The following ZNF765 variants were observed in gnomAD, a reference collection of about 807,000 sequenced individuals.
ZNF765 encodes zinc finger protein 765.
In ZNF765, 37 loss-of-function variants were observed where a neutral mutation model predicts 44.7. The observed-to-expected ratio is 0.83, with a 90% CI of 0.64 to 1.09. The LOEUF (loss-of-function observed/expected upper bound fraction) is 1.09, where lower values mean the gene tolerates loss of function less well. Ranked by LOEUF, ZNF765 falls within the 50% of genes least tolerant of loss-of-function variation. The pLI is 0.00. For synonymous variants in ZNF765, 201 were observed against 213.7 expected (o/e 0.94, Z 0.52); for missense variants, 594 against 626.1 (o/e 0.95, Z 0.55).
At chr19:53,415,938 CTTTT>C (rs905462254), downstream of ZNF765, among the ~76,000 whole-genome samples, 7 of 122,510 alleles carry the variant, frequency 5.7e-5, no homozygotes, top group African/African-American at 2.0e-4. Flanking sequence ...AGATAACTTT[CTTTT>C]GTTTTGTTTT....
chr19:53,418,910 GAAAAAAA>G (rs34443506), intron 3 of ZNF765, among the ~76,000 whole-genome samples: 1,738 of 96,860 alleles, frequency 0.018, 51 homozygotes, highest in African/African-American at 0.062. Context: ...GTTGTGGGAG[GAAAAAAA>G]AAAAAAAAAA....
intron 3 of ZNF765, among the ~76,000 whole-genome samples, chr19:53,417,560 C>G (rs927774234): frequency 6.6e-6 from 1 of 152,172 alleles, no homozygotes; most frequent in African/African-American, 2.4e-5. Flanking sequence ...TTCATGTTTG[C>G]TATTGTGAAT....
chr19:53,419,034 T>C (rs4803106), intron 3 of ZNF765, among the ~76,000 whole-genome samples: 123,801 of 151,958 alleles, frequency 0.81, 50,765 homozygotes, highest in Non-Finnish European at 0.86. Context: ...GAGGCATGAG[T>C]TGAGCCAGGA....
At chr19:53,402,035 C>T (rs758197343) in intron 2 of ZNF765, 30 bp from the exon 3 acceptor site, 6 of 1,613,780 alleles carry the variant, frequency 3.7e-6, no homozygotes, top group African/African-American at 1.3e-5. Context: ...CCTCCCATAA[C>T]CATTTGGTTA....
Position 53,408,811 on chromosome 19 carries a change from C to T in ZNF765, c.1256C>T (p.Thr419Ile). Reference sequence around the variant, plus strand: ...TACAAGTGTAATGAGTGTGGCAAGACCTTCAATCAGCAGTTAACCCTTAAC... The same window carrying T: ...TACAAGTGTAATGAGTGTGGCAAGATCTTCAATCAGCAGTTAACCCTTAAC... ...KPYKCNECGK[T>I]FNQQLTLNIC... Residue 419 changes from threonine (T) to isoleucine (I), a missense_variant, in exon 4 of 4, where the codon ACC becomes ATC. Physicochemically the swap from Thr to Ile is moderately conservative, Grantham distance 89. This residue lies in a region of ZNF765 where 567 missense variants were observed against 572.6 expected (regional missense o/e 0.99). Transcript: ENST00000396408. 1 of 1,614,098 alleles carries T rather than the reference C, an allele frequency of 6.2e-7. No homozygotes were observed. Among genetic ancestry groups the T allele is most frequent in the Non-Finnish European group, 8.5e-7 (1 of 1,180,020 alleles).
At chr19:53,414,518 G>A (rs2085863235), downstream of ZNF765, among the ~76,000 whole-genome samples, 1 of 77,416 alleles carries the variant, frequency 1.3e-5, no homozygotes. Flanking sequence ...CCGGGGAAAA[G>A]CCCATATAAA....
chr19:53,395,267 T>C (rs966342988), intron 1 of ZNF765, 74 bp downstream of exon 1: 1 of 152,164 alleles, frequency 6.6e-6, no homozygotes, highest in African/African-American at 2.4e-5. Context: ...GGGCGTGGGG[T>C]CTCCACTAAC....
chr19:53,404,099 T>G (rs1013572509), intron 3 of ZNF765, among the ~76,000 whole-genome samples: 3 of 152,244 alleles, frequency 2.0e-5, no homozygotes, highest in African/African-American at 7.2e-5. Context: ...GTTGATGAGA[T>G]GAAGTTTTGT....
chr19:53,417,794 C>T (rs1298793719), intron 3 of ZNF765, among the ~76,000 whole-genome samples: 1 of 152,124 alleles, frequency 6.6e-6, no homozygotes. Context: ...TTCTTAGGTA[C>T]TTTGCCTGAT....
At chr19:53,419,528 A>G (rs1184830138) in intron 3 of ZNF765, among the ~76,000 whole-genome samples, 2 of 152,212 alleles carry the variant, frequency 1.3e-5, no homozygotes, top group Non-Finnish European at 2.9e-5. Flanking sequence ...TTTAGATAGC[A>G]GTTGTCAGTC....
At chr19:53,420,659 TAG>T (rs2085901488) in intron 3 of ZNF765, among the ~76,000 whole-genome samples, 2 of 152,198 alleles carry the variant, frequency 1.3e-5, no homozygotes, top group Non-Finnish European at 2.9e-5. Flanking sequence ...TCTGTAACCC[TAG>T]CCCCAACCCT....
chr19:53,404,296 G>A (rs1392567942), intron 3 of ZNF765, among the ~76,000 whole-genome samples: 2 of 151,986 alleles, frequency 1.3e-5, no homozygotes, highest in East Asian at 1.9e-4. Context: ...GGCTGGTCTC[G>A]AACCCCTGCC....
At chr19:53,405,903 C>CTA (rs10675178) in intron 3 of ZNF765, among the ~76,000 whole-genome samples, 1,114 of 48,638 alleles carry the variant, frequency 0.023, 129 homozygotes, top group Non-Finnish European at 0.033. Context: ...TTAATACCAA[C>CTA]TATATATATA....
At chr19:53,420,976 GA>G (rs1434765128) in intron 3 of ZNF765, among the ~76,000 whole-genome samples, 2 of 152,158 alleles carry the variant, frequency 1.3e-5, no homozygotes, top group African/African-American at 4.8e-5. Context: ...AGTGAAAGAG[GA>G]AGGCCTCTTT....
chr19:53,400,614 C>T (rs1459210285), intron 2 of ZNF765, among the ~76,000 whole-genome samples: 1 of 151,920 alleles, frequency 6.6e-6, no homozygotes, highest in Non-Finnish European at 1.5e-5. Flanking sequence ...ACAATATACA[C>T]ATACACATAT....
chr19:53,420,105 G>A (rs1423650872), intron 3 of ZNF765, among the ~76,000 whole-genome samples: 8 of 151,986 alleles, frequency 5.3e-5, no homozygotes, highest in East Asian at 1.9e-4. Context: ...AGACCGAGGC[G>A]GGCAGATCAC....
downstream of ZNF765, among the ~76,000 whole-genome samples, chr19:53,415,352 G>A (rs2147104327): frequency 6.6e-6 from 1 of 152,040 alleles, no homozygotes; most frequent in Admixed American, 6.6e-5. Context: ...ATGTAACTCT[G>A]CAAATATATA....
chr19:53,421,867 T>G (rs2085909720), intron 3 of ZNF765, among the ~76,000 whole-genome samples: 3 of 152,200 alleles, frequency 2.0e-5, no homozygotes. Context: ...GTGTTTCACG[T>G]CATGTAGTTA....
In ZNF765 at chr19:53,408,458, T is replaced by C. The variant is rs757209502; in HGVS notation, c.903T>C (p.Cys301=). The C allele has an allele frequency of 9.3e-6, 15 of 1,613,552 alleles. No homozygotes were observed. In the African/African-American group the frequency reaches 2.0e-4, roughly 22 times the overall value. Residue 301 remains cysteine (C), a synonymous_variant, in exon 4 of 4, where the codon TGT becomes TGC. Coordinates refer to ENST00000396408, the MANE Select transcript of ZNF765 (RefSeq NM_001040185.3). The part of the protein sequence containing the change: ...RLHTGEKPYK[C]EECDKAFHFK... ...ATACTGGAGAGAAACCTTACAAATG[T>C]GAAGAATGTGACAAAGCTTTCCATT...
Sources: allele counts gnomAD v4.1 joint callset (sites outside exome capture counted in the v4.1 genomes callset), GRCh38; gene constraint gnomAD v4.1.1; regional missense constraint gnomAD v4.1.1; transcripts MANE v1.5; gene names NCBI Gene and HGNC (gene_info 2026-07-23, HGNC 2026-07-21).